FANCC: variants seen among roughly 807,000 people sequenced by gnomAD.
FANCC encodes the protein FA complementation group C.
In FANCC, 55 loss-of-function variants were observed where a neutral mutation model predicts 71.3. The observed-to-expected ratio is 0.77, with a 90% CI of 0.62 to 0.97. The LOEUF (loss-of-function observed/expected upper bound fraction) is 0.97, where lower values mean the gene tolerates loss of function less well. FANCC is among the 50% of genes least tolerant of loss of function. The pLI, the probability that FANCC is intolerant of heterozygous loss-of-function variation, is 0.00. For missense variants in FANCC, 678 were observed against 670.9 expected (o/e 1.01, Z -0.12); for synonymous variants, 275 against 244.9 (o/e 1.12, Z -1.15).
intron 12 of FANCC, 176 bp downstream of exon 12, chr9:95,114,453 A>G: frequency 1.4e-6 from 1 of 710,526 alleles, no homozygotes; most frequent in Non-Finnish European, 2.6e-6. Flanking sequence ...GACCTGCTCC[A>G]AGCCATCCGT....
At chr9:95,208,312 G>C (rs1828274745) in intron 4 of FANCC, among the ~76,000 whole-genome samples, 2 of 151,716 alleles carry the variant, frequency 1.3e-5, no homozygotes, top group Non-Finnish European at 2.9e-5. Flanking sequence ...GGTCAGGCTG[G>C]TCTTGAACTC....
intron 1 of FANCC, among the ~76,000 whole-genome samples, chr9:95,276,691 G>T (rs1310260023): frequency 6.6e-6 from 1 of 152,186 alleles, no homozygotes; most frequent in African/African-American, 2.4e-5. Context: ...ACTAACTGTG[G>T]TTAAAGATCT....
chr9:95,240,553 G>A, intron 4 of FANCC, 96 bp downstream of exon 4: 1 of 794,420 alleles, frequency 1.3e-6, no homozygotes, highest in Non-Finnish European at 2.2e-6. Context: ...AAACATCATA[G>A]AACTGGATTC....
rs376163063 is a variant in FANCC, at chr9:95,120,502, C to T, written c.997-3112G>A. Reference sequence around the variant, plus strand: ...TGATCATGGCTCACTGCAGCCTCCACGTTCTGGGCTCAAGCAATCCTCCCA... The same window carrying T: ...TGATCATGGCTCACTGCAGCCTCCATGTTCTGGGCTCAAGCAATCCTCCCA... On this transcript the variant is annotated intron_variant, in intron 10 of 14. Coordinates refer to ENST00000289081, the MANE Select transcript of FANCC (RefSeq NM_000136.3). 2.6e-4 allele frequency among the ~76,000 whole-genome samples: 39 copies of T among 151,978 alleles called. No homozygotes were observed. In the South Asian group the frequency reaches 5.2e-3, roughly 20 times the overall value.
chr9:95,261,976 T>A (rs1165246261), intron 1 of FANCC, among the ~76,000 whole-genome samples: 12 of 152,194 alleles, frequency 7.9e-5, no homozygotes, highest in Admixed American at 7.9e-4. Context: ...AGGAACCAGT[T>A]CACAATGGCA....
At chr9:95,172,299 G>C (rs949832281) in intron 4 of FANCC, 152 bp from the exon 5 acceptor site, 6 of 599,592 alleles carry the variant, frequency 1.0e-5, no homozygotes, top group African/African-American at 1.9e-5. Context: ...TTGATTCAAA[G>C]TGTAAAAGAG....
chr9:95,197,312 G>C (rs532330136), intron 4 of FANCC, among the ~76,000 whole-genome samples: 6 of 152,298 alleles, frequency 3.9e-5, no homozygotes, highest in Admixed American at 2.6e-4. Flanking sequence ...CGAGGTAGGA[G>C]GACTGTTTGA....
chr9:95,252,425 A>G (rs1023857249), intron 1 of FANCC, among the ~76,000 whole-genome samples: 4 of 152,012 alleles, frequency 2.6e-5, no homozygotes, highest in Non-Finnish European at 4.4e-5. Flanking sequence ...TTTTTGATAA[A>G]AGAGACAAAC....
chr9:95,200,080 T>C (rs76766798), intron 4 of FANCC, among the ~76,000 whole-genome samples: 2 of 152,216 alleles, frequency 1.3e-5, no homozygotes, highest in East Asian at 3.8e-4. Context: ...TAAGTTTTCA[T>C]GGTCAGATCT....
chr9:95,212,902 T>C (rs1828596541), intron 4 of FANCC, among the ~76,000 whole-genome samples: 1 of 152,194 alleles, frequency 6.6e-6, no homozygotes, highest in Non-Finnish European at 1.5e-5. Context: ...TTTGTAGTCA[T>C]GTATTATGCA....
chr9:95,125,176 G>C lies in FANCC; in HGVS notation c.906C>G (p.Leu302=), dbSNP rs766079351. Residue 302 remains leucine, a synonymous_variant, in exon 10 of 15, where the codon CTC becomes CTG. Transcript: ENST00000289081. ...TTTCCAGGGCCCCATCGGTTTCCAG[G>C]AGTGCACACCTGAACAATGCAAAGT... ...RVVDEMFRCA[L]LETDGALEII... is the part of the protein sequence containing the mutation. 1.7e-5 allele frequency: 28 copies of C among 1,614,022 alleles called. No homozygotes were observed. The East Asian group carries it at 6.2e-4, about 36-fold the overall frequency.
intron 4 of FANCC, among the ~76,000 whole-genome samples, chr9:95,219,570 C>A (rs565512920): frequency 6.6e-6 from 1 of 152,074 alleles, no homozygotes; most frequent in African/African-American, 2.4e-5. Context: ...CTAGAAACAA[C>A]CCTAAAGAAA....
intron 1 of FANCC, among the ~76,000 whole-genome samples, chr9:95,313,266 G>C (rs1835520711): frequency 6.6e-6 from 1 of 152,204 alleles, no homozygotes; most frequent in African/African-American, 2.4e-5. Flanking sequence ...GTGAGCGCTA[G>C]AAAGCCGCAC....
intron 1 of FANCC, among the ~76,000 whole-genome samples, chr9:95,314,469 T>C (rs1056200913): frequency 3.9e-5 from 6 of 152,016 alleles, no homozygotes; most frequent in African/African-American, 1.5e-4. Flanking sequence ...CTGACCAATA[T>C]GGTGAAACCC....
intron 4 of FANCC, among the ~76,000 whole-genome samples, chr9:95,225,730 T>G (rs1334884565): frequency 6.6e-6 from 1 of 152,024 alleles, no homozygotes; most frequent in Admixed American, 6.5e-5. Context: ...TAAGCAGAAC[T>G]CCATGTAAAT....
chr9:95,277,333 A>G (rs1320199802), intron 1 of FANCC, among the ~76,000 whole-genome samples: 3 of 152,242 alleles, frequency 2.0e-5, no homozygotes, highest in African/African-American at 7.2e-5. Flanking sequence ...AACATAATGT[A>G]TGCATATTTC....
intron 13 of FANCC, chr9:95,110,270 T>A: frequency 2.0e-6 from 2 of 1,010,720 alleles, no homozygotes; most frequent in Non-Finnish European, 2.4e-6. Context: ...TCAAAAGTGA[T>A]TCTCTGTCAG....
intron 1 of FANCC, among the ~76,000 whole-genome samples, chr9:95,301,234 C>A (rs1452123571): frequency 6.6e-6 from 1 of 151,296 alleles, no homozygotes. Context: ...GAGGAGTTAA[C>A]AGTGCATGAA....
chr9:95,121,366 C>CAT (rs1403988696), intron 10 of FANCC, among the ~76,000 whole-genome samples: 3 of 152,192 alleles, frequency 2.0e-5, no homozygotes, highest in African/African-American at 7.2e-5. Context: ...GAAGCACTGA[C>CAT]ATGAGTGCTT....
Sources: gnomAD v4.1 joint callset for allele counts (sites outside exome capture counted in the v4.1 genomes callset) on GRCh38, gnomAD v4.1.1 for gene constraint, MANE v1.5 for transcripts, NCBI Gene and HGNC (gene_info 2026-07-23, HGNC 2026-07-21) for gene names.